Variants in EFL1 observed in about 807,000 individuals in gnomAD.
The protein encoded by EFL1 is elongation factor-like GTPase 1.
Under a neutral mutation model 126.7 loss-of-function variants are expected in EFL1, and 76 were observed. The ratio of observed to expected loss-of-function variants is 0.60; its 90% CI spans 0.50 to 0.73. The LOEUF (loss-of-function observed/expected upper bound fraction) is 0.73. Ranked by LOEUF, EFL1 falls within the 30% of genes least tolerant of loss-of-function variation. The pLI is 0.00. For missense variants in EFL1, 1,128 were observed against 1,343.2 expected (o/e 0.84, Z 2.50); for synonymous variants, 410 against 448.4 (o/e 0.91, Z 1.08).
rs375236421 is a variant in EFL1 at position 82,168,644 on chromosome 15, T to G, written c.1751-4660A>C. On this transcript the variant is annotated intron_variant, in intron 15 of 19. Coordinates refer to ENST00000268206, the MANE Select transcript of EFL1 (RefSeq NM_024580.6). Reference sequence around the variant, plus strand: ...TCTCCCATCTCAGCCTCCCAAGTAGTTGGGATTACAGGCACTTGCCACCAC... The same window carrying G: ...TCTCCCATCTCAGCCTCCCAAGTAGGTGGGATTACAGGCACTTGCCACCAC... Among the ~76,000 whole-genome samples, 7 of 152,202 alleles carry G rather than the reference T, an allele frequency of 4.6e-5. No homozygotes were observed. The East Asian group carries it at 1.2e-3, about 25-fold the overall frequency.
intron 2 of EFL1, among the ~76,000 whole-genome samples, chr15:82,260,689 A>C (rs1368958234): frequency 6.6e-6 from 1 of 152,206 alleles, no homozygotes; most frequent in African/African-American, 2.4e-5. Flanking sequence ...ATTGAAGCTC[A>C]AAAAGGCAAG....
intron 15 of EFL1, among the ~76,000 whole-genome samples, chr15:82,211,079 A>G (rs1349389399): frequency 1.3e-5 from 2 of 149,416 alleles, no homozygotes; most frequent in East Asian, 3.9e-4. Flanking sequence ...ACTACCTGAG[A>G]AGACAAATCT....
chr15:82,130,656 GA>G, intron 19 of EFL1, 95 bp from the exon 20 acceptor site: 1 of 1,350,706 alleles, frequency 7.4e-7, no homozygotes, highest in Non-Finnish European at 1.0e-6. Flanking sequence ...CTTAGCTAAT[GA>G]AAAAAAGTTA....
chr15:82,200,102 T>C (rs1419982058), intron 15 of EFL1, among the ~76,000 whole-genome samples: 1 of 152,170 alleles, frequency 6.6e-6, no homozygotes. Context: ...TTATTTGATA[T>C]ACTGTGCTGG....
Position 82,214,747 on chromosome 15 carries a change from G to A in EFL1, c.1720C>T (p.Leu574=). ...ACATTTCCTGGAGGTACCTCCTCTAGATATTCCAGTTCCCTTCCCATCAGA... is the reference window on the plus strand; with the variant it reads ...ACATTTCCTGGAGGTACCTCCTCTAAATATTCCAGTTCCCTTCCCATCAGA... The part of the protein sequence containing the change: ...YLLMGRELEY[L]EEVPPGNVLG... The change falls in exon 15 of 20, where the codon CTA becomes TTA. Residue 574 remains leucine, a synonymous_variant. Transcript: ENST00000268206. The A allele has an allele frequency of 6.3e-7, 1 of 1,596,792 alleles. No homozygotes were observed.
Position 82,220,152 on chromosome 15 carries a change from T to C in EFL1, c.1370A>G (p.Gln457Arg), listed in dbSNP as rs1220515946. 1 of 1,613,912 alleles carries C rather than the reference T, an allele frequency of 6.2e-7. No individual in the cohort carries two copies. Among genetic ancestry groups the C allele is most frequent in the South Asian group, 1.1e-5 (1 of 91,060 alleles). The change falls in exon 13 of 20, where the codon CAG becomes CGG. Residue 457 changes from glutamine (Q) to arginine (R), a missense_variant. Coordinates refer to ENST00000268206, the MANE Select transcript of EFL1 (RefSeq NM_024580.6). ...GGTGGGCTCCAAGGGTGCCTGTCCCTGTGCTGCTGCAAGCTTCTCTGCATG... is the reference window on the plus strand; with the variant it reads ...GGTGGGCTCCAAGGGTGCCTGTCCCCGTGCTGCTGCAAGCTTCTCTGCATG... ...QRHAEKLAAAQGQAPLEPTQD... is the reference protein window; with the variant it reads ...QRHAEKLAAARGQAPLEPTQD...
At chr15:82,151,250 T>C (rs956720315) in intron 18 of EFL1, among the ~76,000 whole-genome samples, 1 of 152,086 alleles carries the variant, frequency 6.6e-6, no homozygotes, top group African/African-American at 2.4e-5. Context: ...TAGCTGCACA[T>C]GGTGGTGTGT....
chr15:82,227,956 CAAAA>C (rs952539335), intron 10 of EFL1, among the ~76,000 whole-genome samples: 9 of 152,060 alleles, frequency 5.9e-5, no homozygotes, highest in African/African-American at 2.2e-4. Context: ...TAAACAAACA[CAAAA>C]AGAATAGTCT....
intron 7 of EFL1, among the ~76,000 whole-genome samples, chr15:82,232,867 ATCAG>A (rs2141318309): frequency 6.6e-6 from 1 of 152,100 alleles, no homozygotes; most frequent in East Asian, 1.9e-4. Context: ...AACTGTTTTG[ATCAG>A]TTAGATTTCT....
intron 15 of EFL1, among the ~76,000 whole-genome samples, chr15:82,192,670 A>G (rs2074370974): frequency 6.6e-6 from 1 of 152,240 alleles, no homozygotes; most frequent in African/African-American, 2.4e-5. Flanking sequence ...TAAAGAGAAT[A>G]GCAACAGTAA....
intron 18 of EFL1, among the ~76,000 whole-genome samples, chr15:82,147,656 C>T (rs2073862953): frequency 1.4e-5 from 2 of 145,346 alleles, no homozygotes; most frequent in South Asian, 4.3e-4. Flanking sequence ...GGAAAGATAT[C>T]GTTTCAAACA....
Position 82,244,181 on chromosome 15 carries a change from G to A in EFL1, c.245-2778C>T, listed in dbSNP as rs188044588. On this transcript the variant is annotated intron_variant, in intron 4 of 19. Transcript: ENST00000268206. ...ACGTTAACCTAAATTTCAAAGGTTG[G>A]GGACAGAAGTCCCATATCCATTAGA... Among the ~76,000 whole-genome samples, 220 of 152,128 alleles carry A rather than the reference G, an allele frequency of 1.4e-3. 2 individuals carry two copies. Among genetic ancestry groups the A allele is most frequent in the African/African-American group, 5.0e-3 (209 of 41,420 alleles).
At chr15:82,134,760 C>G (rs1021587571) in intron 19 of EFL1, among the ~76,000 whole-genome samples, 1 of 152,166 alleles carries the variant, frequency 6.6e-6, no homozygotes, top group African/African-American at 2.4e-5. Context: ...AATATTTTTT[C>G]TTTCTGTGTC....
intron 18 of EFL1, among the ~76,000 whole-genome samples, chr15:82,139,080 T>C (rs1339969144): frequency 6.6e-6 from 1 of 152,186 alleles, no homozygotes; most frequent in Non-Finnish European, 1.5e-5. Flanking sequence ...ACACTGCTCA[T>C]AGACAAACTC....
At chr15:82,155,422 A>G (rs1428560005) in intron 17 of EFL1, among the ~76,000 whole-genome samples, 1 of 152,182 alleles carries the variant, frequency 6.6e-6, no homozygotes, top group Non-Finnish European at 1.5e-5. Flanking sequence ...GAATTGCCTG[A>G]GCCCAGGAAG....
intron 3 of EFL1, 47 bp from the exon 4 acceptor site, chr15:82,252,822 T>C (rs1266425778): frequency 1.9e-6 from 2 of 1,063,332 alleles, no homozygotes; most frequent in South Asian, 1.4e-5. Flanking sequence ...AGAATTAAAA[T>C]GTAACATTAA....
intron 15 of EFL1, among the ~76,000 whole-genome samples, chr15:82,211,593 T>TACACACACACACACACACACACACAC (rs1567064844): frequency 1.8e-5 from 1 of 54,510 alleles, no homozygotes; most frequent in Non-Finnish European, 3.4e-5. Context: ...AGACACATAC[T>TACACACACACACACACACACACACAC]AGACACACAC....
intron 15 of EFL1, among the ~76,000 whole-genome samples, chr15:82,186,513 CTG>C (rs2141265984): frequency 6.6e-6 from 1 of 152,290 alleles, no homozygotes; most frequent in South Asian, 2.1e-4. Flanking sequence ...TCCAGTTTCA[CTG>C]TGTTTTGATA....
At chr15:82,156,495 G>A (rs2073968905) in intron 17 of EFL1, among the ~76,000 whole-genome samples, 1 of 152,176 alleles carries the variant, frequency 6.6e-6, no homozygotes, top group Non-Finnish European at 1.5e-5. Flanking sequence ...ATGTTGGCCA[G>A]GATGGTCTCG....
Sources: allele counts gnomAD v4.1 joint callset (sites outside exome capture counted in the v4.1 genomes callset), GRCh38; gene constraint gnomAD v4.1.1; transcripts MANE v1.5; gene names NCBI Gene and HGNC (gene_info 2026-07-23, HGNC 2026-07-21).